VAV2: variants seen among roughly 807,000 people sequenced by gnomAD.
The protein encoded by VAV2 is guanine nucleotide exchange factor VAV2.
A neutral mutation model predicts 132.5 loss-of-function variants in VAV2; 67 were observed. That is an observed-to-expected ratio of 0.51 (90% CI 0.42 to 0.62). VAV2 has a LOEUF of 0.62. VAV2 is among the 20% of genes least tolerant of loss of function. The probability of loss-of-function intolerance (pLI) is 0.00; values close to 1 mark genes in which losing one functional copy is unlikely to be tolerated. For missense variants in VAV2, 938 were observed against 1,153.6 expected, an observed-to-expected ratio of 0.81 and a Z score of 2.71; for synonymous variants, 492 against 443.5, an observed-to-expected ratio of 1.11 and a Z score of -1.37.
intron 2 of VAV2, among the ~76,000 whole-genome samples, chr9:133,938,028 A>C (rs1303220317): frequency 5.3e-5 from 8 of 152,218 alleles, no homozygotes; most frequent in African/African-American, 1.9e-4. Context: ...CAGCACTTCC[A>C]CACGCTCCTC....
At chr9:133,914,896 G>C (rs1175579441) in intron 2 of VAV2, among the ~76,000 whole-genome samples, 1 of 82,510 alleles carries the variant, frequency 1.2e-5, no homozygotes, top group Non-Finnish European at 2.5e-5. Flanking sequence ...GGGAGGTTTG[G>C]GACTTTGGAA....
rs754100371 is a variant in VAV2 at position 133,840,451 on chromosome 9, A to C, written c.381-6111T>G. Among the ~76,000 whole-genome samples, 12 of 152,116 alleles carry C rather than the reference A, an allele frequency of 7.9e-5. No homozygotes were observed. The highest frequency in any genetic ancestry group is 1.5e-4 in the Non-Finnish European group (10 of 68,014). Reference sequence around the variant, plus strand: ...CTGCCCCTGAGCCACTGCTTGCTCAAGGAGCTCCCCCAGCCCCCAACAGGC... The same window carrying C: ...CTGCCCCTGAGCCACTGCTTGCTCACGGAGCTCCCCCAGCCCCCAACAGGC... On this transcript the variant is annotated intron_variant, in intron 3 of 29. Transcript: ENST00000371850. This position sits in a 1 kb window ranked among gnomAD's most constrained non-coding sequence, Gnocchi z 4.5.
At chr9:133,910,469 G>A (rs539384367) in intron 2 of VAV2, among the ~76,000 whole-genome samples, 1 of 152,022 alleles carries the variant, frequency 6.6e-6, no homozygotes, top group Non-Finnish European at 1.5e-5. Context: ...GACAGATGAG[G>A]TGCCAAGGTT....
At chr9:133,959,163 A>C (rs1454433169) in intron 1 of VAV2, among the ~76,000 whole-genome samples, 2 of 152,186 alleles carry the variant, frequency 1.3e-5, no homozygotes, top group South Asian at 4.1e-4. Flanking sequence ...TAGGCACTAG[A>C]GATGGTCCCA....
intron 1 of VAV2, among the ~76,000 whole-genome samples, chr9:133,963,138 T>G (rs966397425): frequency 7.2e-5 from 11 of 152,202 alleles, no homozygotes; most frequent in Non-Finnish European, 8.8e-5. Context: ...GAAACTGGGA[T>G]GGTGCCCGGC....
chr9:133,936,320 C>T (rs560580322), intron 2 of VAV2, among the ~76,000 whole-genome samples: 1 of 150,766 alleles, frequency 6.6e-6, no homozygotes, highest in Non-Finnish European at 1.5e-5. Context: ...TCTGCTCACT[C>T]CAACCTTCAC....
In VAV2 at chr9:133,770,596, G is replaced by C. The variant is rs79184942; in HGVS notation, c.2224-95C>G. The stretch of plus-strand genomic sequence containing the variant: ...CCCTCTCCCACCTCTTGGTTCATGT[G>C]GGGGAGACTAGCTTCCTGGACTCCT... On this transcript the variant is annotated intron_variant, in intron 26 of 29. Coordinates refer to ENST00000371850, the MANE Select transcript of VAV2 (RefSeq NM_001134398.2). The C allele has an allele frequency of 1.8e-3, 2,790 of 1,549,338 alleles. 51 individuals are homozygous for C. In the African/African-American group the frequency reaches 0.031, roughly 17 times the overall value.
chr9:133,936,840 G>A (rs181997942), intron 2 of VAV2, among the ~76,000 whole-genome samples: 14 of 152,286 alleles, frequency 9.2e-5, no homozygotes, highest in Admixed American at 2.0e-4. Context: ...ACCACTGACC[G>A]CCACGGTGAG....
In VAV2 at chr9:133,797,739, T is replaced by C. The variant is rs1834774834; in HGVS notation, c.907A>G (p.Ser303Gly). ...AQNTLNQLLA[S>G]REDFRQKVEE... ...ACTTTCTGCCTGAAGTCCTCCCGGC[T>C]GGCCAGGAGCTGGTTCAGTGTGTTC... is the stretch of plus-strand genomic sequence containing the variant. The change falls in exon 10 of 30, where the codon AGC becomes GGC. Residue 303 changes from serine (S) to glycine (G), a missense_variant. Transcript: ENST00000371850. The C allele has an allele frequency of 6.2e-7, 1 of 1,614,080 alleles. No homozygotes were observed. Among genetic ancestry groups the C allele is most frequent in the Non-Finnish European group, 8.5e-7 (1 of 1,179,970 alleles).
chr9:133,945,841 C>T (rs1219732353), intron 1 of VAV2, among the ~76,000 whole-genome samples: 1 of 152,240 alleles, frequency 6.6e-6, no homozygotes, highest in African/African-American at 2.4e-5. Flanking sequence ...CACACAACCA[C>T]ATTCCAGTGC....
intron 5 of VAV2, among the ~76,000 whole-genome samples, chr9:133,810,681 C>G (rs1333421675): frequency 2.0e-5 from 3 of 152,228 alleles, no homozygotes; most frequent in African/African-American, 4.8e-5. Context: ...GTTCCCCAGC[C>G]TGGCAGGTTC....
At chr9:133,871,399 C>T (rs934476766) in intron 2 of VAV2, among the ~76,000 whole-genome samples, 6 of 136,124 alleles carry the variant, frequency 4.4e-5, no homozygotes, top group Non-Finnish European at 7.8e-5. Context: ...AATAGATGGA[C>T]GGACGGATGG....
chr9:133,786,947 C>T (rs1788188883), intron 16 of VAV2, among the ~76,000 whole-genome samples: 1 of 152,024 alleles, frequency 6.6e-6, no homozygotes, highest in Non-Finnish European at 1.5e-5. Context: ...AGGGAGAGAA[C>T]ACAGAAAAAC....
intron 18 of VAV2, among the ~76,000 whole-genome samples, chr9:133,784,044 C>T (rs2131599805): frequency 6.6e-6 from 1 of 152,294 alleles, no homozygotes; most frequent in South Asian, 2.1e-4. Context: ...ACACGCCTGG[C>T]TGACTTTGGT....
In VAV2 at chr9:133,761,991, A is replaced by T. The variant is rs753196263; in HGVS notation, c.*2071T>A. ...TTTGTGTCCATTTGGGGTTCCCGCC[A>T]GCTGGGGGGGCCCCCAGATCCCTGA... On this transcript the variant is annotated 3_prime_UTR_variant, in exon 30 of 30. Transcript: ENST00000371850. 2 of 152,568 alleles carry T rather than the reference A, an allele frequency of 1.3e-5. No individual in the cohort carries two copies. The highest frequency in any genetic ancestry group is 4.8e-5 in the African/African-American group (2 of 41,372). 9.5% of individuals were successfully genotyped at this position (152,568 alleles called of 1,614,324 possible).
chr9:133,820,500 T>G (rs1835744964), intron 4 of VAV2, among the ~76,000 whole-genome samples: 2 of 152,100 alleles, frequency 1.3e-5, no homozygotes, highest in African/African-American at 4.8e-5. Flanking sequence ...ATTTTTTTTG[T>G]ATTTTTAGTA....
intron 2 of VAV2, among the ~76,000 whole-genome samples, chr9:133,890,302 A>T (rs1564439529): frequency 6.6e-6 from 1 of 152,308 alleles, no homozygotes; most frequent in Non-Finnish European, 1.5e-5. Flanking sequence ...GCTGCCTGTC[A>T]CAGAGGGACT....
At chr9:133,872,140 CG>C (rs914706247) in intron 2 of VAV2, among the ~76,000 whole-genome samples, 5 of 152,160 alleles carry the variant, frequency 3.3e-5, no homozygotes, top group Admixed American at 3.3e-4. Context: ...TAGCTGTGAA[CG>C]GGACACTGGC....
chr9:133,975,991 T>C (rs984708376), intron 1 of VAV2, among the ~76,000 whole-genome samples: 3 of 151,196 alleles, frequency 2.0e-5, no homozygotes, highest in African/African-American at 7.3e-5. Flanking sequence ...AGGTCAGTAG[T>C]TCAAGACCAG....
Sources: gnomAD v4.1 joint callset for allele counts (sites outside exome capture counted in the v4.1 genomes callset) on GRCh38, gnomAD v4.1.1 for gene constraint, Gnocchi (gnomAD v3.1) non-coding constraint, MANE v1.5 for transcripts, NCBI Gene and HGNC (gene_info 2026-07-23, HGNC 2026-07-21) for gene names.